Variants in ANKRD11 observed in about 807,000 individuals in gnomAD.
ANKRD11 encodes the protein ankyrin repeat domain-containing protein 11.
ANKRD11 carries 17 observed loss-of-function variants against 195.7 expected under a neutral mutation model. That is an observed-to-expected ratio of 0.09 (90% CI 0.06 to 0.13). ANKRD11 has a LOEUF of 0.13. ANKRD11 is among the 10% of genes least tolerant of loss of function. The pLI, the probability that ANKRD11 is intolerant of heterozygous loss-of-function variation, is 1.00. For synonymous variants in ANKRD11, 1,953 were observed against 1,528.1 expected, an observed-to-expected ratio of 1.28 and a Z score of -6.49; for missense variants, 3,735 against 3,566.1, an observed-to-expected ratio of 1.05 and a Z score of -1.21.
At chr16:89,484,929 G>A (rs1026007661) in intron 1 of ANKRD11, among the ~76,000 whole-genome samples, 1 of 152,138 alleles carries the variant, frequency 6.6e-6, no homozygotes, top group Non-Finnish European at 1.5e-5. Context: ...CGAAGGACAG[G>A]CCTGGAAACA....
intron 1 of ANKRD11, among the ~76,000 whole-genome samples, chr16:89,424,546 T>C (rs1597363528): frequency 6.6e-6 from 1 of 152,022 alleles, no homozygotes; most frequent in African/African-American, 2.4e-5. Flanking sequence ...TTTCTCACCA[T>C]GGATAAATAA....
At chr16:89,328,018 T>C (rs978146636) in intron 2 of ANKRD11, among the ~76,000 whole-genome samples, 34 of 152,102 alleles carry the variant, frequency 2.2e-4, no homozygotes, top group African/African-American at 8.2e-4. Context: ...AAGAAAGAAG[T>C]ATCAAACAAC....
At chr16:89,306,984 T>C (rs1293362800) in intron 3 of ANKRD11, among the ~76,000 whole-genome samples, 2 of 150,810 alleles carry the variant, frequency 1.3e-5, no homozygotes, top group Non-Finnish European at 2.9e-5. Flanking sequence ...AGGGGGACGG[T>C]GCGACACACA....
At chr16:89,337,987 G>A (rs1302536528) in intron 2 of ANKRD11, among the ~76,000 whole-genome samples, 1 of 152,190 alleles carries the variant, frequency 6.6e-6, no homozygotes, top group Non-Finnish European at 1.5e-5. Flanking sequence ...CGGGTGACAA[G>A]CAACACAGTG....
At chr16:89,289,449 T>C (rs372542073) in intron 6 of ANKRD11, among the ~76,000 whole-genome samples, 4 of 152,094 alleles carry the variant, frequency 2.6e-5, no homozygotes, top group African/African-American at 9.6e-5. Context: ...TTGATGGGGG[T>C]ATTTTATGTA....
intron 3 of ANKRD11, chr16:89,313,618 A>C (rs1323352495): frequency 1.6e-6 from 2 of 1,286,824 alleles, no homozygotes; most frequent in Non-Finnish European, 2.0e-6. Context: ...TGATAACATA[A>C]AGCTATATCT....
chr16:89,450,545 T>A (rs772562591), intron 1 of ANKRD11, among the ~76,000 whole-genome samples: 2 of 152,220 alleles, frequency 1.3e-5, no homozygotes, highest in African/African-American at 2.4e-5. Flanking sequence ...GTTTTAGTAC[T>A]GATTGCAGAA....
intron 2 of ANKRD11, among the ~76,000 whole-genome samples, chr16:89,357,204 TG>T (rs2039524506): frequency 6.6e-6 from 1 of 152,094 alleles, no homozygotes; most frequent in African/African-American, 2.4e-5. Context: ...TGAGTGGGGT[TG>T]GGGGCGGGGT....
intron 1 of ANKRD11, among the ~76,000 whole-genome samples, chr16:89,464,805 G>A (rs746658147): frequency 2.9e-4 from 44 of 152,122 alleles, no homozygotes; most frequent in Middle Eastern, 3.4e-3. Context: ...GGAAGAAGCC[G>A]CAGAGATCAA....
At chr16:89,346,176 G>A (rs2038929246) in intron 2 of ANKRD11, among the ~76,000 whole-genome samples, 2 of 149,686 alleles carry the variant, frequency 1.3e-5, no homozygotes, top group African/African-American at 4.9e-5. Flanking sequence ...TTGAACCCAG[G>A]AGGTGAGGTT....
chr16:89,489,170 T>A (rs570329607), intron 1 of ANKRD11: 1 of 151,378 alleles, frequency 6.6e-6, no homozygotes, highest in Non-Finnish European at 1.5e-5. Flanking sequence ...GTACAATCCC[T>A]CTTTGAGAGG....
At chr16:89,411,384 G>A (rs1017348852) in intron 2 of ANKRD11, among the ~76,000 whole-genome samples, 5 of 152,240 alleles carry the variant, frequency 3.3e-5, no homozygotes, top group Non-Finnish European at 5.9e-5. Flanking sequence ...TGGGCCAGAC[G>A]CTACACATCT....
chr16:89,325,868 C>T (rs1340174412), intron 2 of ANKRD11, among the ~76,000 whole-genome samples: 1 of 152,170 alleles, frequency 6.6e-6, no homozygotes, highest in East Asian at 1.9e-4. Flanking sequence ...GGAAGGAGGG[C>T]CCCATCGCCC....
intron 3 of ANKRD11, among the ~76,000 whole-genome samples, chr16:89,306,581 C>T (rs1478340635): frequency 3.5e-5 from 3 of 86,856 alleles, no homozygotes; most frequent in South Asian, 4.7e-4. Context: ...CCACCTCCCA[C>T]TCCGCAGACA....
Position 89,291,822 on chromosome 16 carries a change from C to T in ANKRD11, c.227-639G>A. ...GCACTAACAAGACACGGTGTGAGAG[C>T]TCGGCTGTTTCCACCTCAGCCTCCT... On this transcript the variant is annotated intron_variant, in intron 4 of 12. Coordinates refer to ENST00000301030, the MANE Select transcript of ANKRD11 (RefSeq NM_013275.6). This position sits in a 1 kb window ranked among gnomAD's most constrained non-coding sequence, Gnocchi z 5.3. 7.9e-7 allele frequency: 1 copy of T among 1,262,722 alleles called. No homozygotes were observed. The highest frequency in any genetic ancestry group is 1.0e-6 in the Non-Finnish European group (1 of 964,814). 78.2% of individuals were successfully genotyped at this position (1,262,722 alleles called of 1,614,324 possible).
At position 89,434,006 on chromosome 16, in the gene ANKRD11, C is replaced by G. The variant is rs187331142; in HGVS notation, c.-144-15638G>C. 1.5e-3 allele frequency among the ~76,000 whole-genome samples: 226 copies of G among 152,326 alleles called. 1 individual carries two copies. Among genetic ancestry groups the G allele is most frequent in the African/African-American group, 5.4e-3 (224 of 41,570 alleles). The stretch of plus-strand genomic sequence containing the variant: ...AAATACAGAAGTTTCCAGCTCCCAG[C>G]TGGTTACTCTGAGAAGATGCCCCTA... On this transcript the variant is annotated intron_variant, in intron 1 of 12. Transcript: ENST00000301030.
intron 2 of ANKRD11, among the ~76,000 whole-genome samples, chr16:89,349,669 A>G (rs1282087703): frequency 6.6e-6 from 1 of 152,206 alleles, no homozygotes; most frequent in African/African-American, 2.4e-5. Context: ...ATTGAAGTAA[A>G]TATGACTGAA....
chr16:89,331,583 G>T (rs1462638239), intron 2 of ANKRD11, among the ~76,000 whole-genome samples: 1 of 152,154 alleles, frequency 6.6e-6, no homozygotes, highest in East Asian at 1.9e-4. Flanking sequence ...TGGTGACACT[G>T]AGAAAGTTCA....
chr16:89,378,829 A>C (rs2040528320), intron 2 of ANKRD11, among the ~76,000 whole-genome samples: 1 of 151,932 alleles, frequency 6.6e-6, no homozygotes, highest in Admixed American at 6.6e-5. Context: ...TGTGGTTTAA[A>C]ACTCTTTTAT....
Sources: allele counts gnomAD v4.1 joint callset (sites outside exome capture counted in the v4.1 genomes callset), GRCh38; gene constraint gnomAD v4.1.1; non-coding constraint Gnocchi (gnomAD v3.1); transcripts MANE v1.5; gene names NCBI Gene and HGNC (gene_info 2026-07-23, HGNC 2026-07-21).